ROS1: variants seen among roughly 807,000 people sequenced by gnomAD.
The protein encoded by ROS1 is proto-oncogene tyrosine-protein kinase ROS.
In ROS1, 263 loss-of-function variants were observed where a neutral mutation model predicts 273.5. The observed-to-expected ratio is 0.96, with a 90% CI of 0.87 to 1.06. The LOEUF (loss-of-function observed/expected upper bound fraction) is 1.06, where lower values mean the gene tolerates loss of function less well. Among genes scored for constraint, ROS1 ranks in the 50% least tolerant of loss-of-function variants. The pLI is 0.00. For synonymous variants in ROS1, 1,008 were observed against 954.1 expected (o/e 1.06, Z -1.04); for missense variants, 2,833 against 2,751.1 (o/e 1.03, Z -0.67).
At chr6:117,421,371 A>G (rs773860246) in intron 1 of ROS1, among the ~76,000 whole-genome samples, 13 of 151,880 alleles carry the variant, frequency 8.6e-5, no homozygotes, top group Non-Finnish European at 1.5e-4. Context: ...AGTAGTATAC[A>G]TTGTACCCAA....
rs752178140 is a variant in ROS1 at position 117,389,841 on chromosome 6, A to T, written c.1295T>A (p.Val432Asp). The T allele has an allele frequency of 6.2e-7, 1 of 1,601,544 alleles. No homozygotes were observed. Among genetic ancestry groups the T allele is most frequent in the South Asian group, 1.1e-5 (1 of 90,458 alleles). Reference protein sequence around the residue: ...KIVADSYNGYVFYLLRDGIYR... With the variant: ...KIVADSYNGYDFYLLRDGIYR... Reference sequence around the variant, plus strand: ...AATGCCATCTCTCAGGAGGTAAAAGACATACCTGACACAGGAACAAAAGAA... The same window carrying T: ...AATGCCATCTCTCAGGAGGTAAAAGTCATACCTGACACAGGAACAAAAGAA... Residue 432 changes from valine to aspartate, a missense_variant, in exon 13 of 44, where the codon GTC (valine) becomes GAC (aspartate). Physicochemically the swap from Val to Asp is radical, Grantham distance 152. Transcript: ENST00000368507.
At chr6:117,373,108 T>C (rs899243759) in intron 18 of ROS1, among the ~76,000 whole-genome samples, 3 of 152,220 alleles carry the variant, frequency 2.0e-5, no homozygotes, top group South Asian at 2.1e-4. Context: ...AGAGTGCTGA[T>C]TGGTGCATCC....
chr6:117,315,864 T>C (rs988179630), intron 39 of ROS1, among the ~76,000 whole-genome samples: 13 of 151,980 alleles, frequency 8.6e-5, no homozygotes, highest in African/African-American at 2.7e-4. Context: ...CAAGAAAAAA[T>C]TAAGTACTAG....
At chr6:117,363,986 G>T (rs1780006868) in intron 21 of ROS1, among the ~76,000 whole-genome samples, 2 of 152,108 alleles carry the variant, frequency 1.3e-5, no homozygotes, top group African/African-American at 4.8e-5. Flanking sequence ...TTTCCTGAAG[G>T]CAAAGGCCAA....
intron 18 of ROS1, among the ~76,000 whole-genome samples, chr6:117,368,665 T>A (rs1445501173): frequency 1.3e-5 from 2 of 152,192 alleles, no homozygotes; most frequent in African/African-American, 4.8e-5. Context: ...AAAACTAATA[T>A]TTGATTCATA....
intron 31 of ROS1, among the ~76,000 whole-genome samples, chr6:117,339,721 C>A (rs1777774386): frequency 6.6e-6 from 1 of 152,098 alleles, no homozygotes; most frequent in Admixed American, 6.6e-5. Flanking sequence ...CTGTGTTGAG[C>A]AAATGTGAAA....
chr6:117,360,543 T>C (rs1306441272), intron 22 of ROS1, 138 bp from the exon 23 acceptor site: 8 of 547,766 alleles, frequency 1.5e-5, no homozygotes, highest in Non-Finnish European at 2.3e-5. Flanking sequence ...GTTATTGACA[T>C]TAATATACAG....
At position 117,362,762 on chromosome 6, in the gene ROS1, A is replaced by G. The variant is rs1161170423; in HGVS notation, c.3207T>C (p.His1069=). The G allele has an allele frequency of 6.2e-7, 1 of 1,613,732 alleles. No homozygotes were observed. Among genetic ancestry groups the G allele is most frequent in the Non-Finnish European group, 8.5e-7 (1 of 1,179,754 alleles). Residue 1069 remains histidine, a synonymous_variant, in exon 22 of 44, where the codon CAT becomes CAC. Transcript: ENST00000368507. ...VVEFRWNKPK[H]ENGVLTKFEI... is the part of the protein sequence containing the mutation. Reference sequence around the variant, plus strand: ...CAAATTTTGTTAACACCCCATTTTCATGCTTAGGTTTGTTCCACCTAAATT... The same window carrying G: ...CAAATTTTGTTAACACCCCATTTTCGTGCTTAGGTTTGTTCCACCTAAATT...
In ROS1 at chr6:117,385,679, T is replaced by A; in HGVS notation, c.2289+4A>T. 6.2e-7 allele frequency: 1 copy of A among 1,613,534 alleles called. No individual in the cohort carries two copies. Among genetic ancestry groups the A allele is most frequent in the Non-Finnish European group, 8.5e-7 (1 of 1,179,842 alleles). On this transcript the variant is annotated splice_donor_region_variant and intron_variant, in intron 16 of 43. Transcript: ENST00000368507. Reference sequence around the variant, plus strand: ...AGCATCCAGAATGCCATGCTTTAACTCACCACATATGTCTTTCCAGCCCAG... The same window carrying A: ...AGCATCCAGAATGCCATGCTTTAACACACCACATATGTCTTTCCAGCCCAG...
At position 117,341,203 on chromosome 6, in the gene ROS1, T is replaced by A. The variant is rs1191272034; in HGVS notation, c.4993A>T (p.Ser1665Cys). The A allele has an allele frequency of 6.2e-7, 1 of 1,613,480 alleles. No individual in the cohort carries two copies. The highest frequency in any genetic ancestry group is 2.2e-5 in the East Asian group (1 of 44,858). The change falls in exon 31 of 44, where the codon AGT becomes TGT. Residue 1665 changes from serine (S) to cysteine (C), a missense_variant. Ser to Cys is a moderately radical substitution (Grantham distance 112). Coordinates refer to ENST00000368507, the MANE Select transcript of ROS1 (RefSeq NM_001378902.1). ...GGAGCCTTCCAATTAAATTGCAAACTAGTGTTCTCTGGAACCAAGGAATAA... is the reference window on the plus strand; with the variant it reads ...GGAGCCTTCCAATTAAATTGCAAACAAGTGTTCTCTGGAACCAAGGAATAA... ...KPYSLVPENT[S>C]LQFNWKAPLN...
chr6:117,347,825 C>T (rs904971733), intron 27 of ROS1, among the ~76,000 whole-genome samples: 1 of 151,938 alleles, frequency 6.6e-6, no homozygotes, highest in Admixed American at 6.6e-5. Context: ...TCAATGTGAC[C>T]GCCTGATTTT....
Position 117,341,592 on chromosome 6 carries a change from T to C in ROS1, c.4692A>G (p.Ser1564=). 1 of 1,613,718 alleles carries C rather than the reference T, an allele frequency of 6.2e-7. No homozygotes were observed. Among genetic ancestry groups the C allele is most frequent in the Non-Finnish European group, 8.5e-7 (1 of 1,179,696 alleles). Reference sequence around the variant, plus strand: ...TCCAAGATATAATGAGGCTGGTGTCTGACCGCACAGTTGTATTAATGAGCT... The same window carrying C: ...TCCAAGATATAATGAGGCTGGTGTCCGACCGCACAGTTGTATTAATGAGCT... ...AVQLINTTVR[S]DTSLIISWRE... Residue 1564 remains serine, a synonymous_variant, in exon 30 of 44, where the codon TCA becomes TCG. Transcript: ENST00000368507.
rs1347365492 is a variant in ROS1 at position 117,366,209 on chromosome 6, A to G, written c.2664T>C (p.Gly888=). ...TAAAGCCATTGATCCAGAACAGCCG[A>G]CCACTATAGTACATCAGTGCATTCT... ...ISQNALMYYS[G]RLFWINGFRI... The change falls in exon 19 of 44, where the codon GGT becomes GGC. Residue 888 remains glycine, a synonymous_variant. Transcript: ENST00000368507. The G allele has an allele frequency of 5.6e-6, 9 of 1,614,050 alleles. No homozygotes were observed. The highest frequency in any genetic ancestry group is 7.6e-6 in the Non-Finnish European group (9 of 1,179,974).
At chr6:117,415,033 A>G (rs954958416) in intron 3 of ROS1, among the ~76,000 whole-genome samples, 12 of 152,230 alleles carry the variant, frequency 7.9e-5, no homozygotes, top group Admixed American at 2.0e-4. Context: ...AGCAGCTGCT[A>G]TATGCCCTGC....
intron 11 of ROS1, 31 bp from the exon 12 acceptor site, chr6:117,393,352 T>A (rs1288739212): frequency 1.5e-6 from 2 of 1,322,512 alleles, no homozygotes; most frequent in African/African-American, 1.4e-5. Flanking sequence ...CCGGTAGGAT[T>A]AGCATCTGTC....
At chr6:117,413,223 AC>A (rs1775067245) in intron 4 of ROS1, among the ~76,000 whole-genome samples, 3 of 152,348 alleles carry the variant, frequency 2.0e-5, no homozygotes, top group African/African-American at 7.2e-5. Context: ...GCTTCTGGTT[AC>A]CAGTTTCAAG....
At position 117,310,874 on chromosome 6, in the gene ROS1, A is replaced by T. The variant is rs1582581160; in HGVS notation, c.6215+146T>A. ...ACATGTGCATGTGTCTTTACAGTAG[A>T]ATGATTTATAAGAGAGACTTTTAAT... On this transcript the variant is annotated intron_variant, in intron 40 of 43. Transcript: ENST00000368507. 11 of 566,064 alleles carry T rather than the reference A, an allele frequency of 1.9e-5. No homozygotes were observed. In the East Asian group the frequency reaches 3.0e-4, roughly 16 times the overall value. The allele number at this position is 566,064 out of a possible 1,614,324, so 35.1% of individuals were successfully genotyped here. A position where few individuals can be genotyped will look rare whatever the true frequency, so the allele number is the denominator to read the frequency against.
At chr6:117,349,263 A>C (rs1778614501) in intron 27 of ROS1, among the ~76,000 whole-genome samples, 1 of 151,946 alleles carries the variant, frequency 6.6e-6, no homozygotes, top group Non-Finnish European at 1.5e-5. Context: ...CTGTTGTTAG[A>C]GATATATGCA....
chr6:117,315,258 T>C (rs1267332676), intron 39 of ROS1, among the ~76,000 whole-genome samples: 1 of 151,752 alleles, frequency 6.6e-6, no homozygotes, highest in Admixed American at 6.6e-5. Flanking sequence ...GAGCAGCTAA[T>C]AGAATGAGAA....
Sources: gnomAD v4.1 joint callset for allele counts (sites outside exome capture counted in the v4.1 genomes callset) on GRCh38, gnomAD v4.1.1 for gene constraint, MANE v1.5 for transcripts, NCBI Gene and HGNC (gene_info 2026-07-23, HGNC 2026-07-21) for gene names.